The following LIPA variants were observed in gnomAD, a reference collection of about 807,000 sequenced individuals.
LIPA encodes the protein lysosomal acid lipase/cholesteryl ester hydrolase.
LIPA carries 26 observed loss-of-function variants against 40.6 expected under a neutral mutation model. The ratio of observed to expected loss-of-function variants is 0.64; its 90% CI spans 0.47 to 0.89. The LOEUF (loss-of-function observed/expected upper bound fraction) is 0.89, where lower values mean the gene tolerates loss of function less well. Ranked by LOEUF, LIPA falls within the 40% of genes least tolerant of loss-of-function variation. LIPA has a pLI of 0.00. For missense variants in LIPA, 455 were observed against 479.6 expected (o/e 0.95, Z 0.48); for synonymous variants, 188 against 168.4 (o/e 1.12, Z -0.90).
intron 2 of LIPA, among the ~76,000 whole-genome samples, chr10:89,406,851 C>A (rs185156978): frequency 6.2e-4 from 95 of 152,260 alleles, no homozygotes; most frequent in African/African-American, 2.1e-3. Flanking sequence ...TTGGTGACCA[C>A]GAAGGGACTA....
At chr10:89,367,596 A>G (rs1049026273) in intron 2 of LIPA, among the ~76,000 whole-genome samples, 2 of 152,222 alleles carry the variant, frequency 1.3e-5, no homozygotes, top group Non-Finnish European at 2.9e-5. Flanking sequence ...GCTAACAGGC[A>G]AGTTCATTTG....
chr10:89,265,370 A>T (rs1018792578), intron 1 of LIPA, among the ~76,000 whole-genome samples: 4 of 152,166 alleles, frequency 2.6e-5, no homozygotes, highest in African/African-American at 9.7e-5. Flanking sequence ...TCCATGGAGT[A>T]CACAGTCCTG....
intron 2 of LIPA, among the ~76,000 whole-genome samples, chr10:89,350,526 C>G (rs1359926102): frequency 6.6e-6 from 1 of 151,908 alleles, no homozygotes; most frequent in Admixed American, 6.6e-5. Flanking sequence ...AGGATGGTCT[C>G]GAACTCCAGA....
In LIPA at chr10:89,384,501, T is replaced by C. The variant is rs571644981; in HGVS notation, c.61+28290A>G. ...AAGAACATCATGGGAAATCTCAAGA[T>C]AAAGCAATTACCCATTATTTAAAAG... On this transcript the variant is annotated intron_variant, in intron 2 of 8. Transcript: ENST00000371837. 1.9e-6 allele frequency: 3 copies of C among 1,614,118 alleles called. No individual in the cohort carries two copies. In the East Asian group the frequency reaches 6.7e-5, roughly 36 times the overall value.
rs564792673 is a variant in LIPA, at chr10:89,246,860, GTT to G, written c.111+676_111+677del. 2.6e-4 allele frequency among the ~76,000 whole-genome samples: 39 copies of G among 152,114 alleles called. No homozygotes were observed. In the East Asian group the frequency reaches 7.5e-3, roughly 29 times the overall value. On this transcript the variant is annotated intron_variant, in intron 2 of 9. Coordinates refer to ENST00000336233, the MANE Select transcript of LIPA (RefSeq NM_000235.4). ...CTGGACATTCTTAATCACAACCTTT[GTT>G]CAATGTATTCTAAAACCAGCTCTCA...
chr10:89,273,364 T>C (rs952855231), intron 1 of LIPA, among the ~76,000 whole-genome samples: 1 of 152,186 alleles, frequency 6.6e-6, no homozygotes, highest in Admixed American at 6.5e-5. Flanking sequence ...TTTGTGGCAC[T>C]ATGTGTGACT....
At chr10:89,221,602 C>G (rs979782486) in intron 8 of LIPA, among the ~76,000 whole-genome samples, 2 of 152,058 alleles carry the variant, frequency 1.3e-5, no homozygotes, top group African/African-American at 4.8e-5. Flanking sequence ...CCTACAGTGT[C>G]TTGGTTTAGG....
intron 1 of LIPA, among the ~76,000 whole-genome samples, chr10:89,274,451 G>C (rs924421545): frequency 1.3e-5 from 2 of 152,154 alleles, no homozygotes; most frequent in African/African-American, 4.8e-5. Flanking sequence ...TTTTGTGTTG[G>C]ATACAACTCT....
chr10:89,229,917 G>A lies in LIPA; in HGVS notation c.230-1519C>T, dbSNP rs888683177. On this transcript the variant is annotated intron_variant, in intron 3 of 9. Coordinates refer to ENST00000336233, the MANE Select transcript of LIPA (RefSeq NM_000235.4). ...ATCTCTGTACCTTCCACTCAATTTT[G>A]CTATGAACTTAAAACTGCTTTAAAA... Among the ~76,000 whole-genome samples, 3 of 152,080 alleles carry A rather than the reference G, an allele frequency of 2.0e-5. No individual in the cohort carries two copies. The South Asian group carries it at 6.2e-4, about 32-fold the overall frequency.
intron 1 of LIPA, among the ~76,000 whole-genome samples, chr10:89,325,018 AT>A (rs1176331575): frequency 2.6e-5 from 4 of 152,228 alleles, no homozygotes; most frequent in African/African-American, 9.6e-5. Context: ...AAACCTGCAC[AT>A]TGTGCACATG....
At chr10:89,267,749 T>TA (rs55980603) in intron 1 of LIPA, among the ~76,000 whole-genome samples, 1,749 of 135,460 alleles carry the variant, frequency 0.013, 14 homozygotes, top group Middle Eastern at 0.08. Context: ...AAAAGAAACT[T>TA]AAAAAAAAAA....
chr10:89,321,520 A>T (rs1843571900), intron 1 of LIPA, among the ~76,000 whole-genome samples: 1 of 152,252 alleles, frequency 6.6e-6, no homozygotes, highest in Admixed American at 6.5e-5. Flanking sequence ...CCACAATGAG[A>T]TGCCATCTCA....
intron 1 of LIPA, among the ~76,000 whole-genome samples, chr10:89,286,985 G>A (rs576670510): frequency 3.8e-4 from 58 of 152,320 alleles, no homozygotes; most frequent in Admixed American, 2.0e-3. Flanking sequence ...CCAGAAATCT[G>A]GCCACTGGGC....
At chr10:89,241,062 G>A (rs1308100443) in intron 3 of LIPA, among the ~76,000 whole-genome samples, 2 of 152,124 alleles carry the variant, frequency 1.3e-5, no homozygotes, top group Non-Finnish European at 2.9e-5. Flanking sequence ...ATGTAGCCAG[G>A]GGCCTGACCT....
chr10:89,298,019 G>A (rs1233106142), intron 1 of LIPA, among the ~76,000 whole-genome samples: 1 of 152,222 alleles, frequency 6.6e-6, no homozygotes, highest in East Asian at 1.9e-4. Flanking sequence ...GTGTGTCTGT[G>A]GTATAGGTGG....
At chr10:89,388,619 T>A (rs1011197867) in intron 2 of LIPA, among the ~76,000 whole-genome samples, 1 of 152,202 alleles carries the variant, frequency 6.6e-6, no homozygotes, top group African/African-American at 2.4e-5. Context: ...TTTGTAAGAT[T>A]CATGTCATAT....
chr10:89,357,280 T>C (rs1843993832), intron 2 of LIPA, among the ~76,000 whole-genome samples: 1 of 152,164 alleles, frequency 6.6e-6, no homozygotes, highest in African/African-American at 2.4e-5. Flanking sequence ...TCTAAACCCC[T>C]CACTTGCCTA....
chr10:89,408,598 C>G (rs1841444242), intron 2 of LIPA, among the ~76,000 whole-genome samples: 1 of 152,210 alleles, frequency 6.6e-6, no homozygotes, highest in Non-Finnish European at 1.5e-5. Context: ...TTGGCCCAAC[C>G]TGGGTACATG....
chr10:89,233,300 T>G (rs1842864268), intron 3 of LIPA, among the ~76,000 whole-genome samples: 1 of 152,190 alleles, frequency 6.6e-6, no homozygotes, highest in Admixed American at 6.5e-5. Flanking sequence ...CAAAGGGTAC[T>G]GCAGACCACA....
Sources: allele counts gnomAD v4.1 joint callset (sites outside exome capture counted in the v4.1 genomes callset), GRCh38; gene constraint gnomAD v4.1.1; transcripts MANE v1.5; gene names NCBI Gene and HGNC (gene_info 2026-07-23, HGNC 2026-07-21).